SKAP1: variants seen among roughly 807,000 people sequenced by gnomAD.
SKAP1 encodes src kinase associated phosphoprotein 1.
Under a neutral mutation model 58.5 loss-of-function variants are expected in SKAP1, and 44 were observed. That is an observed-to-expected ratio of 0.75 (90% CI 0.59 to 0.97). The LOEUF is 0.97. Ranked by LOEUF, SKAP1 falls within the 50% of genes least tolerant of loss-of-function variation. The probability of loss-of-function intolerance (pLI) is 0.00; values close to 1 mark genes in which losing one functional copy is unlikely to be tolerated. For synonymous variants in SKAP1, 127 were observed against 149.7 expected, an observed-to-expected ratio of 0.85 and a Z score of 1.11; for missense variants, 390 against 435.2, an observed-to-expected ratio of 0.90 and a Z score of 0.92.
intron 4 of SKAP1, among the ~76,000 whole-genome samples, chr17:48,305,766 C>T (rs1313185353): frequency 6.6e-6 from 1 of 152,144 alleles, no homozygotes; most frequent in East Asian, 1.9e-4. Flanking sequence ...AAACTCTGGC[C>T]TACAGAGATA....
At chr17:48,281,470 G>A (rs1477471601) in intron 4 of SKAP1, among the ~76,000 whole-genome samples, 2 of 152,146 alleles carry the variant, frequency 1.3e-5, no homozygotes, top group Non-Finnish European at 2.9e-5. Context: ...CTGCCTGATC[G>A]CACATCAAAT....
At chr17:48,338,617 G>C (rs1252611846) in intron 4 of SKAP1, among the ~76,000 whole-genome samples, 1 of 152,116 alleles carries the variant, frequency 6.6e-6, no homozygotes, top group East Asian at 1.9e-4. Flanking sequence ...AAGCATTATG[G>C]AAGATGTCCA....
chr17:48,272,568 T>G (rs1441508139), intron 4 of SKAP1, among the ~76,000 whole-genome samples: 1 of 152,156 alleles, frequency 6.6e-6, no homozygotes, highest in African/African-American at 2.4e-5. Flanking sequence ...TTTATTTTTA[T>G]TTTTTGAGAA....
intron 3 of SKAP1, among the ~76,000 whole-genome samples, chr17:48,359,928 C>T (rs1226355249): frequency 6.6e-6 from 1 of 152,120 alleles, no homozygotes; most frequent in Non-Finnish European, 1.5e-5. Context: ...TATTAGGCAT[C>T]GATTTACTTT....
chr17:48,323,608 T>A (rs9911663), intron 4 of SKAP1, among the ~76,000 whole-genome samples: 4 of 152,178 alleles, frequency 2.6e-5, no homozygotes, highest in African/African-American at 9.6e-5. Context: ...TGCATTATAC[T>A]AAGAATAAAT....
At position 48,309,769 on chromosome 17, in the gene SKAP1, T is replaced by A. The variant is rs567278176; in HGVS notation, c.280+36136A>T. ...ATGCAACTCTTTATTCTTTATTATG[T>A]CTGTCAGCTACTACTAGGTGCCTAG... On this transcript the variant is annotated intron_variant, in intron 4 of 12. Transcript: ENST00000336915. Among the ~76,000 whole-genome samples, 24 of 152,354 alleles carry A rather than the reference T, an allele frequency of 1.6e-4. No homozygotes were observed. The South Asian group carries it at 3.7e-3, about 24-fold the overall frequency.
At chr17:48,320,490 C>T (rs1423469742) in intron 4 of SKAP1, among the ~76,000 whole-genome samples, 1 of 152,092 alleles carries the variant, frequency 6.6e-6, no homozygotes, top group Non-Finnish European at 1.5e-5. Flanking sequence ...TTGGCCTGAA[C>T]TTTATAACTC....
intron 11 of SKAP1, among the ~76,000 whole-genome samples, chr17:48,161,420 T>G (rs1446726543): frequency 2.0e-5 from 3 of 152,254 alleles, no homozygotes; most frequent in Non-Finnish European, 4.4e-5. Context: ...TAATAAGTGC[T>G]AGGGACAGAG....
At chr17:48,384,034 C>A (rs2067248540) in intron 2 of SKAP1, among the ~76,000 whole-genome samples, 1 of 152,022 alleles carries the variant, frequency 6.6e-6, no homozygotes, top group African/African-American at 2.4e-5. Context: ...GAATAAATTA[C>A]CCTTTTTAAA....
At chr17:48,240,551 C>A (rs118091812) in intron 4 of SKAP1, among the ~76,000 whole-genome samples, 214 of 152,284 alleles carry the variant, frequency 1.4e-3, no homozygotes, top group Non-Finnish European at 2.8e-3. Flanking sequence ...TACAGTTGTC[C>A]CATATTCAGA....
chr17:48,441,239 A>G, the SKAP1 span, among the ~76,000 whole-genome samples: 3 of 152,328 alleles, frequency 2.0e-5, no homozygotes, highest in African/African-American at 7.2e-5. Flanking sequence ...AATGAGATTC[A>G]ACAAGGAATC....
intron 3 of SKAP1, among the ~76,000 whole-genome samples, chr17:48,357,221 C>CT (rs1196759982): frequency 6.6e-6 from 1 of 151,958 alleles, no homozygotes. Context: ...AAATTTAGTT[C>CT]TTTTTTTATA....
chr17:48,405,400 T>C (rs900720973), intron 1 of SKAP1, among the ~76,000 whole-genome samples: 4 of 52,586 alleles, frequency 7.6e-5, no homozygotes, highest in Admixed American at 2.3e-4. Flanking sequence ...TTCCTTTCTT[T>C]CTTTCTTTCT....
At chr17:48,220,999 T>C (rs1327230555) in intron 4 of SKAP1, among the ~76,000 whole-genome samples, 6 of 151,808 alleles carry the variant, frequency 4.0e-5, no homozygotes, top group Non-Finnish European at 7.4e-5. Context: ...GTGGGCACGG[T>C]GGCTCACGCC....
At chr17:48,397,144 G>A (rs188312357) in intron 1 of SKAP1, 2 of 233,116 alleles carry the variant, frequency 8.6e-6, no homozygotes, top group African/African-American at 4.6e-5. Flanking sequence ...TTAGCCATAA[G>A]AAATAACTAT....
intron 1 of SKAP1, among the ~76,000 whole-genome samples, chr17:48,414,411 G>A (rs745339111): frequency 6.6e-6 from 1 of 152,104 alleles, no homozygotes; most frequent in Non-Finnish European, 1.5e-5. Context: ...TTTAGTTGGA[G>A]AGACAAAAAA....
chr17:48,334,181 A>G (rs2066539124), intron 4 of SKAP1, among the ~76,000 whole-genome samples: 1 of 152,016 alleles, frequency 6.6e-6, no homozygotes, highest in Non-Finnish European at 1.5e-5. Context: ...AAACTTCTGC[A>G]AACAATTTCT....
At chr17:48,273,264 T>C (rs528533290) in intron 4 of SKAP1, among the ~76,000 whole-genome samples, 19 of 152,202 alleles carry the variant, frequency 1.2e-4, no homozygotes, top group Non-Finnish European at 2.8e-4. Context: ...TCCTGGGCCA[T>C]CAAGCATACC....
At chr17:48,229,587 C>T (rs1199451397) in intron 4 of SKAP1, among the ~76,000 whole-genome samples, 1 of 151,824 alleles carries the variant, frequency 6.6e-6, no homozygotes, top group African/African-American at 2.4e-5. Flanking sequence ...TGCCACTGCA[C>T]TCCAGCCTGG....
Sources: gnomAD v4.1 joint callset for allele counts (sites outside exome capture counted in the v4.1 genomes callset) on GRCh38, gnomAD v4.1.1 for gene constraint, MANE v1.5 for transcripts, NCBI Gene and HGNC (gene_info 2026-07-23, HGNC 2026-07-21) for gene names.